Variants in NT5DC2 observed in about 807,000 individuals in gnomAD.
The protein encoded by NT5DC2 is 5'-nucleotidase domain-containing protein 2.
In NT5DC2, 41 loss-of-function variants were observed where a neutral mutation model predicts 70.0. The ratio of observed to expected loss-of-function variants is 0.59; its 90% CI spans 0.46 to 0.76. NT5DC2 has a LOEUF of 0.76. Among genes scored for constraint, NT5DC2 ranks in the 30% least tolerant of loss-of-function variants. NT5DC2 has a pLI of 0.00. For missense variants in NT5DC2, 705 were observed against 783.2 expected (o/e 0.90, Z 1.19); for synonymous variants, 299 against 310.4 (o/e 0.96, Z 0.39).
At chr3:52,534,014 C>A (rs575168334), upstream of NT5DC2, 20 of 249,530 alleles carry the variant, frequency 8.0e-5, no homozygotes, top group African/African-American at 7.0e-5. Flanking sequence ...TCTGCGCCCC[C>A]CTTCGGCCGT....
In NT5DC2 at chr3:52,528,847, G is replaced by A; in HGVS notation, c.492+14C>T. The A allele has an allele frequency of 1.9e-6, 3 of 1,613,426 alleles. No individual in the cohort carries two copies. Among genetic ancestry groups the A allele is most frequent in the Admixed American group, 1.7e-5 (1 of 60,022 alleles). ...GGCCAAGGAGGGAGCCCCTATACAG[G>A]TCCAGCCACTCACCTTCTGAATGTC... On this transcript the variant is annotated intron_variant, in intron 3 of 13. Coordinates refer to ENST00000422318, the MANE Select transcript of NT5DC2 (RefSeq NM_001134231.2).
In NT5DC2 at chr3:52,528,063, C is replaced by A. The variant is rs374478667; in HGVS notation, c.782G>T (p.Arg261Leu). 1.2e-6 allele frequency: 2 copies of A among 1,612,194 alleles called. No homozygotes were observed. Among genetic ancestry groups the A allele is most frequent in the Non-Finnish European group, 1.7e-6 (2 of 1,179,616 alleles). ...CATGAGGCCCTTCACATGCACGTCT[C>A]GGATGGCGTCCTGGGGGCAGTGGAG... is the stretch of plus-strand genomic sequence containing the variant. ...HLYKDVTDAI[R>L]DVHVKGLMYQ... The change falls in exon 7 of 14, where the codon CGA becomes CTA. Residue 261 changes from arginine to leucine, a missense_variant. Arg to Leu is a moderately radical substitution (Grantham distance 102). Transcript: ENST00000422318.
At chr3:52,533,947 C>CGGGGA (rs1468643064), upstream of NT5DC2, 1 of 536,378 alleles carries the variant, frequency 1.9e-6, no homozygotes, top group East Asian at 1.5e-4. Flanking sequence ...CGGGGCGGGG[C>CGGGGA]GGGGAGGGCT....
intron 10 of NT5DC2, 91 bp from the exon 11 acceptor site, chr3:52,525,386 GC>G (rs1172601560): frequency 1.0e-6 from 1 of 956,444 alleles, no homozygotes; most frequent in African/African-American, 1.6e-5. Flanking sequence ...CCCAAATCCA[GC>G]CGGATGCTGG....
chr3:52,527,009 ATTACACCTC>A (rs1053631833), intron 10 of NT5DC2, among the ~76,000 whole-genome samples: 27 of 152,192 alleles, frequency 1.8e-4, no homozygotes, highest in African/African-American at 6.3e-4. Flanking sequence ...AGTAGAGAGT[ATTACACCTC>A]TTTTGCAGAC....
Position 52,529,092 on chromosome 3 carries a change from G to A in NT5DC2, c.417+58C>T. 6.2e-7 allele frequency: 1 copy of A among 1,607,316 alleles called. No individual in the cohort carries two copies. Among genetic ancestry groups the A allele is most frequent in the Non-Finnish European group, 8.5e-7 (1 of 1,174,826 alleles). ...GACTCAGCCCTGAGCTTAGGCCAAGGTGGGTCTGGCCAGCCTCCAAGCCCT... is the reference window on the plus strand; with the variant it reads ...GACTCAGCCCTGAGCTTAGGCCAAGATGGGTCTGGCCAGCCTCCAAGCCCT... On this transcript the variant is annotated intron_variant, in intron 2 of 13. Transcript: ENST00000422318. This position sits in a 1 kb window ranked among gnomAD's most constrained non-coding sequence, Gnocchi z 4.1.
In NT5DC2 at chr3:52,528,048, T is replaced by G. The variant is rs1371825727; in HGVS notation, c.797A>C (p.Lys266Thr). The change falls in exon 7 of 14, where the codon AAG (lysine) becomes ACG (threonine). Residue 266 changes from lysine (K) to threonine (T), a missense_variant. Physicochemically the swap from Lys to Thr is moderately conservative, Grantham distance 78. Transcript: ENST00000422318. ...VTDAIRDVHVKGLMYQWIEQD... is the reference protein window; with the variant it reads ...VTDAIRDVHVTGLMYQWIEQD... ...CTCGATCCACTGGTACATGAGGCCC[T>G]TCACATGCACGTCTCGGATGGCGTC... 6.2e-7 allele frequency: 1 copy of G among 1,612,270 alleles called. No individual in the cohort carries two copies. The highest frequency in any genetic ancestry group is 1.7e-5 in the Admixed American group (1 of 59,876).
chr3:52,527,217 G>T, intron 10 of NT5DC2, 77 bp downstream of exon 10: 1 of 1,352,040 alleles, frequency 7.4e-7, no homozygotes, highest in Non-Finnish European at 1.1e-6. Flanking sequence ...TTCTTCAGAG[G>T]CTGCCTCTGC....
intron 10 of NT5DC2, 186 bp from the exon 11 acceptor site, chr3:52,525,481 C>A: frequency 3.3e-6 from 2 of 609,390 alleles, no homozygotes; most frequent in Non-Finnish European, 6.0e-6. Flanking sequence ...GGGGATTCTG[C>A]CTGCTGCAGG....
chr3:52,532,255 G>A (rs2079371669), intron 1 of NT5DC2: 2 of 985,352 alleles, frequency 2.0e-6, no homozygotes, highest in Non-Finnish European at 2.4e-6. Context: ...GGCCCAGGAG[G>A]ACAATGTCCA....
chr3:52,527,946 G>T lies in NT5DC2; in HGVS notation c.833-15C>A. ...GATGTACTTCTCTAATGGGGCAGAT[G>T]AGTCTGTGAGGGTCAGTCCTGCCAC... is the stretch of plus-strand genomic sequence containing the variant. On this transcript the variant is annotated splice_polypyrimidine_tract_variant and intron_variant, in intron 7 of 13. Transcript: ENST00000422318. 6.2e-7 allele frequency: 1 copy of T among 1,613,430 alleles called. No individual in the cohort carries two copies. The highest frequency in any genetic ancestry group is 8.5e-7 in the Non-Finnish European group (1 of 1,179,880).
chr3:52,534,625 T>C (rs145529151), upstream of NT5DC2: 1,325 of 1,613,796 alleles, frequency 8.2e-4, 8 homozygotes, highest in East Asian at 0.012. Context: ...AATTCCTCTT[T>C]CCTGCGCAGA....
chr3:52,525,181 C>A (rs377083300), intron 11 of NT5DC2, 28 bp downstream of exon 11: 2 of 1,600,414 alleles, frequency 1.2e-6, no homozygotes, highest in Non-Finnish European at 1.7e-6. Flanking sequence ...GGCCCTCCCC[C>A]ACTGCAGCCC....
chr3:52,529,106 C>T lies in NT5DC2; in HGVS notation c.417+44G>A. The stretch of plus-strand genomic sequence containing the variant: ...CTTAGGCCAAGGTGGGTCTGGCCAG[C>T]CTCCAAGCCCTGGGTTTGTTGGTGG... On this transcript the variant is annotated intron_variant, in intron 2 of 13. Transcript: ENST00000422318. This position sits in a 1 kb window ranked among gnomAD's most constrained non-coding sequence, Gnocchi z 4.1. 2 of 1,611,908 alleles carry T rather than the reference C, an allele frequency of 1.2e-6. No individual in the cohort carries two copies. The highest frequency in any genetic ancestry group is 1.7e-6 in the Non-Finnish European group (2 of 1,178,408).
At position 52,531,790 on chromosome 3, in the gene NT5DC2, A is replaced by G. The variant is rs57489240; in HGVS notation, c.232+1716T>C. On this transcript the variant is annotated intron_variant, in intron 1 of 13. Coordinates refer to ENST00000422318, the MANE Select transcript of NT5DC2 (RefSeq NM_001134231.2). The surrounding 1 kb of genome is among the most constrained non-coding windows in gnomAD (Gnocchi z 4.1). ...CCCATGGTGCCAGGTCCCAGGGCCA[A>G]CTGCTCCCTAGCAGCCGTGACACTT... Among the ~76,000 whole-genome samples the G allele has an allele frequency of 2.0e-5, 3 of 152,178 alleles. No individual in the cohort carries two copies. In the East Asian group the frequency reaches 5.8e-4, roughly 29 times the overall value.
upstream of NT5DC2, chr3:52,534,681 C>T: frequency 6.3e-7 from 1 of 1,587,828 alleles, no homozygotes; most frequent in Non-Finnish European, 8.6e-7. Context: ...GTATTCCGAG[C>T]CCGCACGCAT....
intron 10 of NT5DC2, among the ~76,000 whole-genome samples, chr3:52,526,989 C>A (rs2153235160): frequency 6.6e-6 from 1 of 152,342 alleles, no homozygotes; most frequent in Middle Eastern, 3.4e-3. Context: ...GAGCTTTATA[C>A]CACAGCTTCA....
upstream of NT5DC2, chr3:52,534,449 G>C (rs1163165279): frequency 1.9e-6 from 3 of 1,605,480 alleles, no homozygotes; most frequent in African/African-American, 4.0e-5. Flanking sequence ...CCGCTAACCA[G>C]GTGACTGGGC....
upstream of NT5DC2, chr3:52,534,292 C>T (rs2079401498): frequency 3.2e-6 from 2 of 616,706 alleles, no homozygotes; most frequent in Non-Finnish European, 5.7e-6. Context: ...GGTCCTGGTC[C>T]CCGGTCTCTG....
Sources: allele counts gnomAD v4.1 joint callset (sites outside exome capture counted in the v4.1 genomes callset), GRCh38; gene constraint gnomAD v4.1.1; non-coding constraint Gnocchi (gnomAD v3.1); transcripts MANE v1.5; gene names NCBI Gene and HGNC (gene_info 2026-07-23, HGNC 2026-07-21).